Variants in ZNF736 observed in about 807,000 individuals in gnomAD.
ZNF736 encodes the protein KRAB-containing zinc-finger repressor protein.
A neutral mutation model predicts 11.7 loss-of-function variants in ZNF736; 6 were observed. The ratio of observed to expected loss-of-function variants is 0.51; its 90% CI spans 0.28 to 1.01. The LOEUF (loss-of-function observed/expected upper bound fraction) is 1.01. Among genes scored for constraint, ZNF736 ranks in the 50% least tolerant of loss-of-function variants. ZNF736 has a pLI of 0.09. For synonymous variants in ZNF736, 139 were observed against 164.7 expected, an observed-to-expected ratio of 0.84 and a Z score of 1.19; for missense variants, 444 against 496.0, an observed-to-expected ratio of 0.90 and a Z score of 1.00.
At chr7:64,316,354 A>G (rs1452614049) in intron 1 of ZNF736, among the ~76,000 whole-genome samples, 1 of 152,232 alleles carries the variant, frequency 6.6e-6, no homozygotes, top group African/African-American at 2.4e-5. Context: ...TTGGTGGTCA[A>G]CCAATCAGGT....
intron 1 of ZNF736, among the ~76,000 whole-genome samples, chr7:64,315,540 TG>T (rs1215532974): frequency 7.0e-4 from 107 of 152,180 alleles, no homozygotes; most frequent in African/African-American, 2.1e-3. Flanking sequence ...TTGTTGTTGT[TG>T]TTGTTTCTCA....
chr7:64,327,030 A>T (rs1481714121), intron 1 of ZNF736, among the ~76,000 whole-genome samples: 1 of 152,144 alleles, frequency 6.6e-6, no homozygotes, highest in Non-Finnish European at 1.5e-5. Flanking sequence ...TAGCTTTTTG[A>T]TGAAATGCTT....
intron 3 of ZNF736, among the ~76,000 whole-genome samples, chr7:64,339,342 G>T (rs183599106): frequency 4.2e-4 from 64 of 152,050 alleles, no homozygotes; most frequent in African/African-American, 1.5e-3. Flanking sequence ...TTTTGCTGTC[G>T]TATCCAAAAA....
chr7:64,337,583 A>G (rs1289237092), intron 3 of ZNF736, among the ~76,000 whole-genome samples: 2 of 152,116 alleles, frequency 1.3e-5, no homozygotes, highest in Admixed American at 1.3e-4. Flanking sequence ...GTGTTACTTC[A>G]AATGTTATTC....
intron 1 of ZNF736, among the ~76,000 whole-genome samples, chr7:64,315,650 A>G (rs1419080908): frequency 5.9e-5 from 9 of 152,130 alleles, no homozygotes; most frequent in Non-Finnish European, 1.0e-4. Flanking sequence ...CTAGCTATTT[A>G]ATTATTTTAA....
intron 3 of ZNF736, among the ~76,000 whole-genome samples, chr7:64,338,718 GT>G (rs34536557): frequency 1.4e-5 from 2 of 147,854 alleles, no homozygotes; most frequent in Non-Finnish European, 1.5e-5. Context: ...TACATGCCAT[GT>G]TTTTTTTTTG....
intron 1 of ZNF736, among the ~76,000 whole-genome samples, chr7:64,319,315 A>ATG (rs1163181565): frequency 1.6e-4 from 13 of 82,760 alleles, no homozygotes; most frequent in African/African-American, 3.4e-4. Context: ...GTGTATATGT[A>ATG]TGTGTGTGTG....
At chr7:64,336,207 C>A in intron 1 of ZNF736, 52 bp from the exon 2 acceptor site, 2 of 1,576,800 alleles carry the variant, frequency 1.3e-6, no homozygotes, top group Non-Finnish European at 1.7e-6. Context: ...TACCTGATGT[C>A]AAATCAAGAA....
intron 3 of ZNF736, among the ~76,000 whole-genome samples, chr7:64,345,596 G>A (rs1216121408): frequency 6.6e-6 from 1 of 151,672 alleles, no homozygotes; most frequent in Non-Finnish European, 1.5e-5. Context: ...GGGCGTGGTG[G>A]TGCATGTCTG....
At chr7:64,318,634 A>C (rs1334259497) in intron 1 of ZNF736, among the ~76,000 whole-genome samples, 1 of 152,196 alleles carries the variant, frequency 6.6e-6, no homozygotes, top group Non-Finnish European at 1.5e-5. Context: ...ATATTAAACT[A>C]GTCATGTTTA....
chr7:64,331,606 T>C (rs1376616626), intron 1 of ZNF736, among the ~76,000 whole-genome samples: 1 of 152,202 alleles, frequency 6.6e-6, no homozygotes, highest in Non-Finnish European at 1.5e-5. Flanking sequence ...GGATGATTGC[T>C]GGAGGGTGCT....
chr7:64,338,284 T>C (rs1412208478), intron 3 of ZNF736, among the ~76,000 whole-genome samples: 1 of 152,218 alleles, frequency 6.6e-6, no homozygotes, highest in Admixed American at 6.5e-5. Flanking sequence ...TGTATGTGTA[T>C]ACATAAAGAA....
intron 1 of ZNF736, among the ~76,000 whole-genome samples, chr7:64,319,845 C>T (rs780535999): frequency 1.3e-5 from 2 of 151,972 alleles, no homozygotes; most frequent in Non-Finnish European, 2.9e-5. Flanking sequence ...CTTTTTCTTT[C>T]TAAAATTTAC....
chr7:64,314,691 A>G (rs947978383), intron 1 of ZNF736, among the ~76,000 whole-genome samples: 2 of 152,078 alleles, frequency 1.3e-5, no homozygotes, highest in Admixed American at 6.6e-5. Flanking sequence ...CAGCCCCCCA[A>G]GTAGCTAGGA....
intron 3 of ZNF736, among the ~76,000 whole-genome samples, chr7:64,337,755 GGTTTTTTT>G (rs1789277612): frequency 1.2e-5 from 1 of 86,256 alleles, no homozygotes; most frequent in East Asian, 4.2e-4. Context: ...TGTTTTTTTT[GGTTTTTTT>G]TTTTTTTTGA....
chr7:64,333,100 G>A (rs753451125), intron 1 of ZNF736, among the ~76,000 whole-genome samples: 4 of 152,144 alleles, frequency 2.6e-5, no homozygotes, highest in Admixed American at 6.5e-5. Context: ...AATTACAAAA[G>A]TATTATTTGG....
At position 64,355,379 on chromosome 7, in the gene ZNF736, CTT is replaced by C. The variant is rs201484182; in HGVS notation, c.*6244_*6245del. 0.06 allele frequency: 8,829 copies of C among 147,082 alleles called. 271 individuals are homozygous for C. The highest frequency in any genetic ancestry group is 0.08 in the Middle Eastern group (23 of 288). 9.1% of individuals were successfully genotyped at this position (147,082 alleles called of 1,614,324 possible). A position where few individuals can be genotyped will look rare whatever the true frequency, so the allele number is the denominator to read the frequency against. Reference sequence around the variant, plus strand: ...ATTTCAAGTAGATTTAATTCTAGATCTTTTTTTTTTTTTCTTTTTTTGAGATG... The same window carrying C: ...ATTTCAAGTAGATTTAATTCTAGATCTTTTTTTTTTTCTTTTTTTGAGATG... On this transcript the variant is annotated 3_prime_UTR_variant, in exon 4 of 4. Transcript: ENST00000423484.
Position 64,319,484 on chromosome 7 carries a change from C to T in ZNF736, c.3+5331C>T, listed in dbSNP as rs1389108871. 2.2e-4 allele frequency among the ~76,000 whole-genome samples: 22 copies of T among 101,272 alleles called. 2 individuals carry two copies. The highest frequency in any genetic ancestry group is 6.5e-4 in the South Asian group (2 of 3,054). The allele number at this position is 101,272 out of a possible 152,430, so 66.4% of individuals were successfully genotyped here. On this transcript the variant is annotated intron_variant, in intron 1 of 3. Coordinates refer to ENST00000423484, the MANE Select transcript of ZNF736 (RefSeq NM_001170905.3). The stretch of plus-strand genomic sequence containing the variant: ...TTACCCAGGTAAATAGAAAACATTT[C>T]TTCCCTTTTTTTTTTTTTTTTTTTT...
Position 64,336,244 on chromosome 7 carries a change from T to A in ZNF736, c.4-15T>A. On this transcript the variant is annotated splice_polypyrimidine_tract_variant and intron_variant, in intron 1 of 3. Transcript: ENST00000423484. Reference sequence around the variant, plus strand: ...TCTTTCTATGGTCACTTGGTAAATATGTTTTGTTTTCCAGGGAGTGTTGAC... The same window carrying A: ...TCTTTCTATGGTCACTTGGTAAATAAGTTTTGTTTTCCAGGGAGTGTTGAC... The A allele has an allele frequency of 6.2e-7, 1 of 1,605,830 alleles. No homozygotes were observed. Among genetic ancestry groups the A allele is most frequent in the Admixed American group, 1.7e-5 (1 of 58,514 alleles).
Sources: allele counts gnomAD v4.1 joint callset (sites outside exome capture counted in the v4.1 genomes callset), GRCh38; gene constraint gnomAD v4.1.1; transcripts MANE v1.5; gene names NCBI Gene and HGNC (gene_info 2026-07-23, HGNC 2026-07-21).